The following GALNT17 variants were observed in gnomAD, a reference collection of about 807,000 sequenced individuals.
The protein encoded by GALNT17 is UDP-GalNAc:polypeptide N-acetylgalactosaminyltransferase-like 3.
GALNT17 carries 29 observed loss-of-function variants against 63.7 expected under a neutral mutation model. The observed-to-expected ratio is 0.46, with a 90% confidence interval of 0.34 to 0.62. The LOEUF (loss-of-function observed/expected upper bound fraction) is 0.62. GALNT17 is among the 20% of genes least tolerant of loss of function. GALNT17 has a pLI of 0.01. For synonymous variants in GALNT17, 305 were observed against 318.3 expected, an observed-to-expected ratio of 0.96 and a Z score of 0.45; for missense variants, 603 against 799.6, an observed-to-expected ratio of 0.75 and a Z score of 2.97.
intron 1 of GALNT17, among the ~76,000 whole-genome samples, chr7:71,181,812 G>A (rs1788739973): frequency 6.6e-6 from 1 of 151,824 alleles, no homozygotes; most frequent in Admixed American, 6.6e-5. Context: ...AGGAGTTGAA[G>A]GCTACAGTGA....
At chr7:71,422,153 G>C (rs565376456) in intron 5 of GALNT17, among the ~76,000 whole-genome samples, 2 of 152,012 alleles carry the variant, frequency 1.3e-5, no homozygotes, top group South Asian at 4.2e-4. Flanking sequence ...CAGGAGGGCT[G>C]GGTCAGGAGG....
At chr7:71,654,946 G>A (rs1228484435) in intron 6 of GALNT17, among the ~76,000 whole-genome samples, 3 of 151,992 alleles carry the variant, frequency 2.0e-5, no homozygotes, top group Non-Finnish European at 2.9e-5. Flanking sequence ...CTGCCGCCAC[G>A]CCCAGCTAGT....
chr7:71,427,634 A>T (rs1272264031), intron 5 of GALNT17, among the ~76,000 whole-genome samples: 2 of 152,006 alleles, frequency 1.3e-5, no homozygotes, highest in African/African-American at 4.8e-5. Flanking sequence ...CTGGTAAGCC[A>T]CTGTCCAGGG....
At chr7:71,287,678 CAT>C (rs935894942) in intron 1 of GALNT17, among the ~76,000 whole-genome samples, 7 of 152,182 alleles carry the variant, frequency 4.6e-5, no homozygotes, top group African/African-American at 7.2e-5. Context: ...TCAATTAACA[CAT>C]ATTTCGTATG....
chr7:71,709,589 T>G (rs10226132), intron 9 of GALNT17, among the ~76,000 whole-genome samples: 3 of 150,580 alleles, frequency 2.0e-5, no homozygotes, highest in African/African-American at 7.3e-5. Context: ...TTTTTTTTTT[T>G]GTTTTTTTGG....
intron 3 of GALNT17, among the ~76,000 whole-genome samples, chr7:71,406,239 C>G (rs1316367883): frequency 6.6e-6 from 1 of 152,116 alleles, no homozygotes; most frequent in Non-Finnish European, 1.5e-5. Flanking sequence ...TAGTGATTGT[C>G]AGCAGAAAAG....
At position 71,368,582 on chromosome 7, in the gene GALNT17, C is replaced by T. The variant is rs565818542; in HGVS notation, c.423-19653C>T. 1.8e-4 allele frequency among the ~76,000 whole-genome samples: 28 copies of T among 152,246 alleles called. 1 individual carries two copies. In the South Asian group the frequency reaches 5.4e-3, roughly 29 times the overall value. Reference sequence around the variant, plus strand: ...AAGCTCCCAGAGCAGGATGAACAAACGTCTCTTGTCGCATTTATCCTTCCG... The same window carrying T: ...AAGCTCCCAGAGCAGGATGAACAAATGTCTCTTGTCGCATTTATCCTTCCG... On this transcript the variant is annotated intron_variant, in intron 2 of 10. Coordinates refer to ENST00000333538, the MANE Select transcript of GALNT17 (RefSeq NM_022479.3).
intron 6 of GALNT17, among the ~76,000 whole-genome samples, chr7:71,581,166 T>C (rs1191488027): frequency 1.3e-5 from 2 of 152,112 alleles, no homozygotes; most frequent in Non-Finnish European, 2.9e-5. Context: ...TGTTTTGTTT[T>C]GTTTTGATTG....
intron 1 of GALNT17, among the ~76,000 whole-genome samples, chr7:71,151,746 G>C (rs758865173): frequency 6.6e-6 from 1 of 152,088 alleles, no homozygotes; most frequent in Non-Finnish European, 1.5e-5. Flanking sequence ...TGGAGCTGAG[G>C]GATAAGTATT....
At chr7:71,193,271 A>G (rs1273025379) in intron 1 of GALNT17, among the ~76,000 whole-genome samples, 1 of 151,120 alleles carries the variant, frequency 6.6e-6, no homozygotes, top group Non-Finnish European at 1.5e-5. Flanking sequence ...GCTAATTTTT[A>G]AATTGTTTTG....
rs183482843 is a variant in GALNT17, at chr7:71,305,139, A to G, written c.239-30411A>G. ...TACAATTACAGATATAGTTATGGAT[A>G]TATAAAATTAAATACCTTAATCCTT... is the stretch of plus-strand genomic sequence containing the variant. On this transcript the variant is annotated intron_variant, in intron 1 of 10. Coordinates refer to ENST00000333538, the MANE Select transcript of GALNT17 (RefSeq NM_022479.3). Among the ~76,000 whole-genome samples, 160 of 152,352 alleles carry G rather than the reference A, an allele frequency of 1.1e-3. 1 individual carries two copies. In the Middle Eastern group the frequency reaches 0.014, roughly 13 times the overall value.
chr7:71,427,616 T>G (rs1027067719), intron 5 of GALNT17, among the ~76,000 whole-genome samples: 1 of 152,022 alleles, frequency 6.6e-6, no homozygotes, highest in Non-Finnish European at 1.5e-5. Flanking sequence ...TGCTGGAGTC[T>G]CCATGCTCTG....
intron 1 of GALNT17, among the ~76,000 whole-genome samples, chr7:71,140,529 A>C (rs1276850831): frequency 2.0e-5 from 3 of 152,204 alleles, no homozygotes; most frequent in Non-Finnish European, 4.4e-5. Flanking sequence ...AGAGGCAGCC[A>C]GTGTCATTCT....
chr7:71,582,334 G>A (rs1314890481), intron 6 of GALNT17, among the ~76,000 whole-genome samples: 4 of 151,854 alleles, frequency 2.6e-5, no homozygotes, highest in Admixed American at 2.6e-4. Context: ...CAGCACTTTG[G>A]GAGGTCAAGA....
chr7:71,489,846 G>A (rs748067724), intron 5 of GALNT17, among the ~76,000 whole-genome samples: 12 of 152,180 alleles, frequency 7.9e-5, no homozygotes, highest in Non-Finnish European at 1.6e-4. Context: ...TGTATGGCTG[G>A]GGGCTCAGAT....
chr7:71,433,718 C>G (rs1450746784), intron 5 of GALNT17, among the ~76,000 whole-genome samples: 1 of 152,176 alleles, frequency 6.6e-6, no homozygotes, highest in Admixed American at 6.5e-5. Flanking sequence ...TTTAAACCAG[C>G]AGAACTGGTC....
chr7:71,207,682 T>A (rs112260883), intron 1 of GALNT17, among the ~76,000 whole-genome samples: 90 of 152,208 alleles, frequency 5.9e-4, no homozygotes, highest in African/African-American at 2.1e-3. Context: ...ACCTGGAATT[T>A]GGGAGGGCAT....
chr7:71,627,479 A>G (rs1382922167), intron 6 of GALNT17, among the ~76,000 whole-genome samples: 2 of 152,190 alleles, frequency 1.3e-5, no homozygotes, highest in Non-Finnish European at 2.9e-5. Flanking sequence ...AGAGCTTGCC[A>G]TGGCTGCCTT....
intron 6 of GALNT17, among the ~76,000 whole-genome samples, chr7:71,663,194 C>T (rs758271299): frequency 1.7e-4 from 26 of 152,098 alleles, no homozygotes; most frequent in African/African-American, 3.1e-4. Flanking sequence ...TTTTTCCTTA[C>T]GAACTTTAGG....
Sources: allele counts gnomAD v4.1 joint callset (sites outside exome capture counted in the v4.1 genomes callset), GRCh38; gene constraint gnomAD v4.1.1; transcripts MANE v1.5; gene names NCBI Gene and HGNC (gene_info 2026-07-23, HGNC 2026-07-21).